Variants in CRIM1 observed in about 807,000 individuals in gnomAD.
CRIM1 encodes the protein cysteine rich transmembrane BMP regulator 1.
CRIM1 carries 32 observed loss-of-function variants against 116.4 expected under a neutral mutation model. The ratio of observed to expected loss-of-function variants is 0.27; its 90% CI spans 0.21 to 0.37. The LOEUF (loss-of-function observed/expected upper bound fraction) is 0.37, where lower values mean the gene tolerates loss of function less well. Among genes scored for constraint, CRIM1 ranks in the 10% least tolerant of loss-of-function variants. The pLI is 1.00. For missense variants in CRIM1, 1,331 were observed against 1,354.8 expected (o/e 0.98, Z 0.28); for synonymous variants, 590 against 509.2 (o/e 1.16, Z -2.13).
chr2:36,536,519 C>T (rs1268631718), intron 13 of CRIM1, among the ~76,000 whole-genome samples: 1 of 152,170 alleles, frequency 6.6e-6, no homozygotes, highest in African/African-American at 2.4e-5. Context: ...TGCTTTGCTG[C>T]TGGATCTGCT....
chr2:36,412,004 A>C (rs1673249558), intron 2 of CRIM1, among the ~76,000 whole-genome samples: 1 of 152,138 alleles, frequency 6.6e-6, no homozygotes, highest in Non-Finnish European at 1.5e-5. Context: ...CCCGCACACT[A>C]GTGAAGCTGA....
chr2:36,547,275 C>A (rs895034281), intron 16 of CRIM1, 104 bp downstream of exon 16: 1 of 898,942 alleles, frequency 1.1e-6, no homozygotes, highest in East Asian at 2.5e-5. Flanking sequence ...GAAGTTTTTA[C>A]TTTGCTCTTC....
intron 7 of CRIM1, among the ~76,000 whole-genome samples, chr2:36,494,648 TC>T (rs1479219617): frequency 6.6e-6 from 1 of 152,146 alleles, no homozygotes; most frequent in African/African-American, 2.4e-5. Context: ...GAGGAAAGTT[TC>T]CCACTCAGAT....
chr2:36,548,943 A>G lies in CRIM1; in HGVS notation c.*242A>G, dbSNP rs1190725081. The G allele has an allele frequency of 1.4e-5, 4 of 288,406 alleles. No individual in the cohort carries two copies. The highest frequency in any genetic ancestry group is 5.0e-5 in the Admixed American group (1 of 20,156). 17.9% of individuals were successfully genotyped at this position (288,406 alleles called of 1,614,324 possible). On this transcript the variant is annotated 3_prime_UTR_variant, in exon 17 of 17. Transcript: ENST00000280527. ...CCAAAGTTTTTAAAGTTGCTAAGATATATTTGCCTGTAAGATAGCTGTAGA... is the reference window on the plus strand; with the variant it reads ...CCAAAGTTTTTAAAGTTGCTAAGATGTATTTGCCTGTAAGATAGCTGTAGA...
intron 4 of CRIM1, among the ~76,000 whole-genome samples, chr2:36,462,873 G>A (rs1214487954): frequency 6.6e-6 from 1 of 152,192 alleles, no homozygotes; most frequent in Non-Finnish European, 1.5e-5. Context: ...AGGGATATAA[G>A]CGTGACAAAG....
intron 14 of CRIM1, 148 bp downstream of exon 14, chr2:36,537,694 T>C: frequency 1.2e-6 from 1 of 869,202 alleles, no homozygotes; most frequent in South Asian, 1.9e-5. Context: ...CCAAAGACCC[T>C]ATGGGTAACT....
chr2:36,447,247 T>A (rs968193258), intron 4 of CRIM1, among the ~76,000 whole-genome samples: 1 of 152,220 alleles, frequency 6.6e-6, no homozygotes, highest in Non-Finnish European at 1.5e-5. Flanking sequence ...TAATTTTTTT[T>A]TTATTGAAAA....
Position 36,505,396 on chromosome 2 carries a change from A to T in CRIM1, c.1502-4587A>T, listed in dbSNP as rs917419200. Reference sequence around the variant, plus strand: ...ACCATATATTTCTGGTCACGAAAACATCACCAAACTTCTAAATAAAGACCT... The same window carrying T: ...ACCATATATTTCTGGTCACGAAAACTTCACCAAACTTCTAAATAAAGACCT... On this transcript the variant is annotated intron_variant, in intron 8 of 16. Transcript: ENST00000280527. 6.9e-5 allele frequency among the ~76,000 whole-genome samples: 10 copies of T among 144,480 alleles called. No homozygotes were observed. In the East Asian group the frequency reaches 1.2e-3, roughly 18 times the overall value. The allele number at this position is 144,480 out of a possible 152,430, so 94.8% of individuals were successfully genotyped here. A position where few individuals can be genotyped will look rare whatever the true frequency, so the allele number is the denominator to read the frequency against.
At chr2:36,448,691 T>C (rs1436480659) in intron 4 of CRIM1, among the ~76,000 whole-genome samples, 1 of 152,274 alleles carries the variant, frequency 6.6e-6, no homozygotes, top group Non-Finnish European at 1.5e-5. Context: ...ATGAAATTTG[T>C]CCCAAACTTT....
At chr2:36,472,525 C>T (rs764387817) in intron 5 of CRIM1, among the ~76,000 whole-genome samples, 1 of 152,104 alleles carries the variant, frequency 6.6e-6, no homozygotes, top group East Asian at 1.9e-4. Flanking sequence ...ACAGTTCTCT[C>T]GTCAGTCCCA....
intron 1 of CRIM1, among the ~76,000 whole-genome samples, chr2:36,363,519 A>C (rs1669372178): frequency 1.7e-5 from 2 of 118,130 alleles, no homozygotes; most frequent in Non-Finnish European, 3.6e-5. Context: ...TGAATTCAGC[A>C]GTCGTCGCCG....
At chr2:36,510,240 A>C (rs761008814) in intron 9 of CRIM1, 101 bp downstream of exon 9, 16 of 1,134,862 alleles carry the variant, frequency 1.4e-5, no homozygotes, top group Non-Finnish European at 1.9e-5. Context: ...AATCTATGGT[A>C]TATTGAGCCC....
intron 11 of CRIM1, among the ~76,000 whole-genome samples, chr2:36,515,540 C>T (rs1211338915): frequency 6.6e-6 from 1 of 152,202 alleles, no homozygotes; most frequent in Non-Finnish European, 1.5e-5. Context: ...TATTTTTCTC[C>T]CCTCTTCATT....
At chr2:36,490,401 ACTCAAG>A (rs1680143295) in intron 7 of CRIM1, among the ~76,000 whole-genome samples, 1 of 152,134 alleles carries the variant, frequency 6.6e-6, no homozygotes, top group African/African-American at 2.4e-5. Flanking sequence ...GAGAGCAGGG[ACTCAAG>A]CTATGTTTTC....
At chr2:36,542,214 G>C (rs1230497838) in intron 14 of CRIM1, among the ~76,000 whole-genome samples, 1 of 152,202 alleles carries the variant, frequency 6.6e-6, no homozygotes, top group African/African-American at 2.4e-5. Context: ...AGAGACCCAT[G>C]GGGGCCAGGA....
intron 14 of CRIM1, among the ~76,000 whole-genome samples, chr2:36,542,588 C>G (rs1667023710): frequency 6.6e-6 from 1 of 152,204 alleles, no homozygotes; most frequent in Non-Finnish European, 1.5e-5. Flanking sequence ...TTGACATTTA[C>G]AGGTTTGTTG....
At chr2:36,508,320 A>G (rs1245035361) in intron 8 of CRIM1, among the ~76,000 whole-genome samples, 1 of 152,234 alleles carries the variant, frequency 6.6e-6, no homozygotes, top group Admixed American at 6.5e-5. Flanking sequence ...AATATTGCCA[A>G]CTGAGATTCA....
chr2:36,477,881 C>T (rs1679108265), intron 6 of CRIM1, among the ~76,000 whole-genome samples: 1 of 152,166 alleles, frequency 6.6e-6, no homozygotes, highest in Non-Finnish European at 1.5e-5. Context: ...ACACTGCAGC[C>T]AGTAACAATA....
chr2:36,379,704 G>T (rs1670581931), intron 1 of CRIM1, among the ~76,000 whole-genome samples: 1 of 149,224 alleles, frequency 6.7e-6, no homozygotes, highest in Non-Finnish European at 1.5e-5. Flanking sequence ...GAGGAAGGAG[G>T]TCATAATTGG....
Sources: allele counts gnomAD v4.1 joint callset (sites outside exome capture counted in the v4.1 genomes callset), GRCh38; gene constraint gnomAD v4.1.1; transcripts MANE v1.5; gene names NCBI Gene and HGNC (gene_info 2026-07-23, HGNC 2026-07-21).